The following ZNF608 variants were observed in gnomAD, a reference collection of about 807,000 sequenced individuals.
ZNF608 encodes the protein zinc finger protein 608.
ZNF608 carries 12 observed loss-of-function variants against 109.0 expected under a neutral mutation model. The ratio of observed to expected loss-of-function variants is 0.11; its 90% confidence interval spans 0.07 to 0.18. ZNF608 has a LOEUF of 0.18. ZNF608 is among the 10% of genes least tolerant of loss of function. The pLI is 1.00. For missense variants in ZNF608, 1,707 were observed against 1,879.3 expected (o/e 0.91, Z 1.70); for synonymous variants, 732 against 717.4 (o/e 1.02, Z -0.33).
At chr5:124,716,142 CAAAAAAAAAA>C (rs1232356378) in intron 2 of ZNF608, among the ~76,000 whole-genome samples, 8 of 73,966 alleles carry the variant, frequency 1.1e-4, no homozygotes, top group African/African-American at 3.2e-4. Flanking sequence ...GAATCCGTCT[CAAAAAAAAAA>C]AAAAAAAAAA....
intron 3 of ZNF608, among the ~76,000 whole-genome samples, chr5:124,674,581 A>AT (rs1452989306): frequency 6.6e-6 from 1 of 152,034 alleles, no homozygotes; most frequent in African/African-American, 2.4e-5. Context: ...GAGCCAATGC[A>AT]TTTTTTTTCT....
intron 2 of ZNF608, among the ~76,000 whole-genome samples, chr5:124,714,919 A>G (rs1405345034): frequency 6.6e-6 from 1 of 152,204 alleles, no homozygotes; most frequent in African/African-American, 2.4e-5. Flanking sequence ...AACCAACTAC[A>G]TAGTAAGATT....
intron 3 of ZNF608, among the ~76,000 whole-genome samples, chr5:124,665,237 C>A (rs1478490535): frequency 6.6e-6 from 1 of 151,654 alleles, no homozygotes; most frequent in Non-Finnish European, 1.5e-5. Flanking sequence ...TGAAACTGAC[C>A]ACGGTGGTGA....
chr5:124,669,658 A>ACACAC (rs1751633931), intron 3 of ZNF608, among the ~76,000 whole-genome samples: 3 of 148,156 alleles, frequency 2.0e-5, no homozygotes, highest in African/African-American at 7.4e-5. Flanking sequence ...AACACACACA[A>ACACAC]ACACACACAC....
chr5:124,718,722 G>T (rs1225765460), intron 2 of ZNF608, among the ~76,000 whole-genome samples: 1 of 152,024 alleles, frequency 6.6e-6, no homozygotes, highest in East Asian at 1.9e-4. Context: ...GGAAGAAGCT[G>T]GCATCAGCTA....
upstream of ZNF608, chr5:124,746,942 CG>C (rs1222725771): frequency 4.2e-5 from 1 of 23,664 alleles, no homozygotes; most frequent in Non-Finnish European, 8.8e-5. Context: ...TCGCTCGGGG[CG>C]GGGGGCGGGG....
At chr5:124,653,929 G>A (rs1371230972) in intron 3 of ZNF608, among the ~76,000 whole-genome samples, 4 of 152,182 alleles carry the variant, frequency 2.6e-5, no homozygotes, top group African/African-American at 9.7e-5. Context: ...GTGTGCGTGT[G>A]TGTGTGTCCT....
At chr5:124,680,697 TAAAC>T (rs1752157074) in intron 3 of ZNF608, among the ~76,000 whole-genome samples, 1 of 151,518 alleles carries the variant, frequency 6.6e-6, no homozygotes, top group African/African-American at 2.4e-5. Context: ...ATCACACACA[TAAAC>T]AAAAAAGAAA....
chr5:124,701,779 A>G (rs1753061982), intron 2 of ZNF608, among the ~76,000 whole-genome samples: 1 of 151,880 alleles, frequency 6.6e-6, no homozygotes, highest in Admixed American at 6.6e-5. Flanking sequence ...AAATACATAA[A>G]CTTTACAATC....
chr5:124,710,628 A>C (rs185445066), intron 2 of ZNF608: 1 of 155,244 alleles, frequency 6.4e-6, no homozygotes. Context: ...TATATTCAAC[A>C]TATGTCCAAG....
chr5:124,660,696 A>C (rs1444209055), intron 3 of ZNF608, among the ~76,000 whole-genome samples: 1 of 152,174 alleles, frequency 6.6e-6, no homozygotes, highest in African/African-American at 2.4e-5. Context: ...ATAAAATGGG[A>C]GTAATATGGA....
chr5:124,703,091 T>G (rs981031836), intron 2 of ZNF608, among the ~76,000 whole-genome samples: 5 of 151,248 alleles, frequency 3.3e-5, no homozygotes, highest in African/African-American at 7.3e-5. Flanking sequence ...AACCAGTGGT[T>G]TTTTTTTTGC....
intron 3 of ZNF608, 30 bp downstream of exon 3, chr5:124,700,984 G>C: frequency 6.2e-7 from 1 of 1,609,668 alleles, no homozygotes; most frequent in East Asian, 2.2e-5. Flanking sequence ...AGAGGGCATC[G>C]GGAAATATAT....
Position 124,647,647 on chromosome 5 carries a change from G to A in ZNF608, c.2737C>T (p.Gln913Ter). Residue 913 changes from glutamine (Q) to a stop codon, truncating the protein, a stop_gained, in exon 5 of 10, where the codon CAG becomes TAG. Coordinates refer to ENST00000513986, the MANE Select transcript of ZNF608 (RefSeq NM_020747.3). LOFTEE classifies it high-confidence loss of function. ...ACATGCAGAGGTGCCATTGGTGCCTGCCCGTTCACCAAAGTGCTGCATTCC... is the reference window on the plus strand; with the variant it reads ...ACATGCAGAGGTGCCATTGGTGCCTACCCGTTCACCAAAGTGCTGCATTCC... Reference protein sequence around the residue: ...RLECSTLVNGQAPMAPLHVLT... With the variant: ...RLECSTLVNG 6.2e-7 allele frequency: 1 copy of A among 1,614,188 alleles called. No individual in the cohort carries two copies. The highest frequency in any genetic ancestry group is 8.5e-7 in the Non-Finnish European group (1 of 1,180,048).
At chr5:124,730,938 AG>A (rs1748866732) in intron 2 of ZNF608, among the ~76,000 whole-genome samples, 1 of 152,232 alleles carries the variant, frequency 6.6e-6, no homozygotes, top group Non-Finnish European at 1.5e-5. Flanking sequence ...TTTGGTAAAA[AG>A]CTTTCTTTCC....
At chr5:124,668,038 T>C (rs1751551992) in intron 3 of ZNF608, among the ~76,000 whole-genome samples, 1 of 151,578 alleles carries the variant, frequency 6.6e-6, no homozygotes, top group African/African-American at 2.4e-5. Context: ...CTAGAACTCA[T>C]ATAAAATAAA....
intron 2 of ZNF608, chr5:124,708,059 A>G (rs2149860665): frequency 6.6e-6 from 1 of 152,374 alleles, no homozygotes; most frequent in East Asian, 1.9e-4. Flanking sequence ...TTCCTGTTTT[A>G]TAGAAGCAGA....
chr5:124,748,664 C>G, upstream of ZNF608: 1 of 773,710 alleles, frequency 1.3e-6, no homozygotes, highest in Non-Finnish European at 1.6e-6. Flanking sequence ...TCAAATGTCA[C>G]AGACCGTCCT....
chr5:124,687,786 G>A (rs540291406), intron 3 of ZNF608, among the ~76,000 whole-genome samples: 1 of 152,202 alleles, frequency 6.6e-6, no homozygotes, highest in East Asian at 1.9e-4. Flanking sequence ...GGCCCCAGAA[G>A]GGCATATAGG....
Sources: allele counts gnomAD v4.1 joint callset (sites outside exome capture counted in the v4.1 genomes callset), GRCh38; gene constraint gnomAD v4.1.1; transcripts MANE v1.5; gene names NCBI Gene and HGNC (gene_info 2026-07-23, HGNC 2026-07-21).